ADK: variants seen among roughly 807,000 people sequenced by gnomAD.
ADK encodes N6,N6-dimethyladenosine kinase.
ADK carries 24 observed loss-of-function variants against 44.7 expected under a neutral mutation model. The observed-to-expected ratio is 0.54, with a 90% CI of 0.39 to 0.76. ADK has a LOEUF of 0.76. ADK is among the 30% of genes least tolerant of loss of function. ADK has a pLI of 0.00. For synonymous variants in ADK, 128 were observed against 142.6 expected, an observed-to-expected ratio of 0.90 and a Z score of 0.73; for missense variants, 321 against 425.1, an observed-to-expected ratio of 0.76 and a Z score of 2.15.
intron 10 of ADK, among the ~76,000 whole-genome samples, chr10:74,672,009 G>A (rs1855206550): frequency 6.6e-6 from 1 of 152,320 alleles, no homozygotes; most frequent in African/African-American, 2.4e-5. Context: ...TTAGGATACT[G>A]AGGTAGGAAC....
At position 74,476,013 on chromosome 10, in the gene ADK, G is replaced by A. The variant is rs188526181; in HGVS notation, c.556-49243G>A. Among the ~76,000 whole-genome samples, 155 of 152,240 alleles carry A rather than the reference G, an allele frequency of 1.0e-3. 2 individuals carry two copies. Among genetic ancestry groups the A allele is most frequent in the Non-Finnish European group, 1.3e-3 (86 of 68,028 alleles). Reference sequence around the variant, plus strand: ...GTATTTAATCCTGTTACCTATGTGTGTTTATAATATATATAAAATCGTGAG... The same window carrying A: ...GTATTTAATCCTGTTACCTATGTGTATTTATAATATATATAAAATCGTGAG... On this transcript the variant is annotated intron_variant, in intron 6 of 10. Transcript: ENST00000539909.
At chr10:74,588,200 C>T (rs1851594943) in intron 7 of ADK, among the ~76,000 whole-genome samples, 1 of 152,080 alleles carries the variant, frequency 6.6e-6, no homozygotes, top group Admixed American at 6.6e-5. Context: ...TATATCATGA[C>T]ATTTCATTTC....
At chr10:74,461,511 T>C (rs1846172233) in intron 6 of ADK, among the ~76,000 whole-genome samples, 1 of 152,078 alleles carries the variant, frequency 6.6e-6, no homozygotes, top group Admixed American at 6.5e-5. Flanking sequence ...AATACTAATA[T>C]GTTGTATTTC....
chr10:74,496,276 C>G (rs985199938), intron 6 of ADK, among the ~76,000 whole-genome samples: 3 of 152,140 alleles, frequency 2.0e-5, no homozygotes, highest in Admixed American at 1.3e-4. Flanking sequence ...TGGTTTTGCT[C>G]TGTGTCCCCA....
chr10:74,359,132 G>A (rs1368806561), intron 4 of ADK, among the ~76,000 whole-genome samples: 1 of 152,000 alleles, frequency 6.6e-6, no homozygotes, highest in African/African-American at 2.4e-5. Flanking sequence ...GGTATAAGAT[G>A]AGGATCTAGT....
chr10:74,352,199 A>G (rs1231080027), intron 4 of ADK, among the ~76,000 whole-genome samples: 3 of 152,218 alleles, frequency 2.0e-5, no homozygotes, highest in Non-Finnish European at 4.4e-5. Flanking sequence ...CAATAACCAA[A>G]CAGCATGGTA....
intron 4 of ADK, among the ~76,000 whole-genome samples, chr10:74,324,357 T>C (rs1840935008): frequency 6.6e-6 from 1 of 152,190 alleles, no homozygotes; most frequent in African/African-American, 2.4e-5. Flanking sequence ...AACTTATTCA[T>C]GTATGTGATT....
chr10:74,661,939 A>T (rs1229351107), intron 9 of ADK, among the ~76,000 whole-genome samples: 2 of 152,176 alleles, frequency 1.3e-5, no homozygotes, highest in African/African-American at 4.8e-5. Flanking sequence ...CCCCCAGAGG[A>T]TCTAACAGAG....
At chr10:74,656,174 C>G in intron 9 of ADK, 1 of 275,756 alleles carries the variant, frequency 3.6e-6, no homozygotes, top group South Asian at 5.7e-5. Context: ...GCTGTCTGCT[C>G]CAGACATTTT....
chr10:74,588,691 T>G (rs1851612126), intron 7 of ADK, among the ~76,000 whole-genome samples: 1 of 152,216 alleles, frequency 6.6e-6, no homozygotes, highest in South Asian at 2.1e-4. Flanking sequence ...ATCACTGGGT[T>G]AAAGTGATGA....
intron 9 of ADK, among the ~76,000 whole-genome samples, chr10:74,660,515 A>C (rs896502097): frequency 2.6e-5 from 4 of 151,620 alleles, no homozygotes; most frequent in Non-Finnish European, 5.9e-5. Flanking sequence ...AGTTGGGAGG[A>C]TTACTTGAGC....
At chr10:74,617,409 AGTT>A (rs1257606644) in intron 9 of ADK, among the ~76,000 whole-genome samples, 1 of 152,148 alleles carries the variant, frequency 6.6e-6, no homozygotes, top group Admixed American at 6.5e-5. Flanking sequence ...AATCATGAAT[AGTT>A]GTTGTATTTC....
chr10:74,406,529 G>GACTCCGATTAAAATAATAATAATAAT (rs1843938388), intron 6 of ADK, among the ~76,000 whole-genome samples: 1 of 22,456 alleles, frequency 4.5e-5, no homozygotes, highest in African/African-American at 1.6e-4. Context: ...ATAATAATAA[G>GACTCCGATTAAAATAATAATAATAAT]AAGAAGAAGA....
At chr10:74,392,917 G>A (rs1380024050) in intron 4 of ADK, among the ~76,000 whole-genome samples, 1 of 151,834 alleles carries the variant, frequency 6.6e-6, no homozygotes, top group African/African-American at 2.4e-5. Flanking sequence ...ATGGCTGTGT[G>A]GTATTCCATT....
chr10:74,398,897 CTT>C (rs970773880), intron 6 of ADK, among the ~76,000 whole-genome samples: 99 of 152,134 alleles, frequency 6.5e-4, no homozygotes, highest in African/African-American at 2.3e-3. Context: ...AAACTTACAT[CTT>C]ACATTTGTAG....
chr10:74,285,358 A>T (rs376881959), intron 3 of ADK, among the ~76,000 whole-genome samples: 2 of 152,326 alleles, frequency 1.3e-5, no homozygotes, highest in South Asian at 2.1e-4. Flanking sequence ...TTGTACAGAG[A>T]TATAAGAGAA....
chr10:74,398,633 G>A (rs1480430315), intron 6 of ADK, 54 bp downstream of exon 6: 3 of 971,978 alleles, frequency 3.1e-6, no homozygotes. Flanking sequence ...ATGGATTATA[G>A]TTGTTGTCTG....
At chr10:74,275,781 C>G (rs1334290417) in intron 3 of ADK, among the ~76,000 whole-genome samples, 1 of 152,140 alleles carries the variant, frequency 6.6e-6, no homozygotes, top group Non-Finnish European at 1.5e-5. Context: ...GCCTCAGCCT[C>G]CAGTGCGGAC....
At chr10:74,499,041 A>G (rs950517621) in intron 6 of ADK, among the ~76,000 whole-genome samples, 3 of 152,068 alleles carry the variant, frequency 2.0e-5, no homozygotes, top group African/African-American at 4.8e-5. Flanking sequence ...TTACCCTGAC[A>G]TGTATTGATT....
Sources: gnomAD v4.1 joint callset for allele counts (sites outside exome capture counted in the v4.1 genomes callset) on GRCh38, gnomAD v4.1.1 for gene constraint, MANE v1.5 for transcripts, NCBI Gene and HGNC (gene_info 2026-07-23, HGNC 2026-07-21) for gene names.